Variants in SGCZ observed in about 807,000 individuals in gnomAD.
SGCZ encodes the protein zeta-sarcoglycan.
In SGCZ, 40 loss-of-function variants were observed where a neutral mutation model predicts 41.3. The ratio of observed to expected loss-of-function variants is 0.97; its 90% CI spans 0.75 to 1.26. The LOEUF (loss-of-function observed/expected upper bound fraction) is 1.26. Among genes scored for constraint, SGCZ ranks in the 50% most tolerant of loss-of-function variants. The pLI is 0.00. For missense variants in SGCZ, 552 were observed against 369.8 expected (o/e 1.49, Z -4.04); for synonymous variants, 206 against 137.5 (o/e 1.50, Z -3.49).
At chr8:14,141,701 C>T (rs1184515418) in intron 5 of SGCZ, among the ~76,000 whole-genome samples, 2 of 152,202 alleles carry the variant, frequency 1.3e-5, no homozygotes, top group Non-Finnish European at 2.9e-5. Flanking sequence ...AATAGGAACA[C>T]TTTTCCACTG....
At chr8:14,357,813 A>G (rs1220034377) in intron 2 of SGCZ, among the ~76,000 whole-genome samples, 1 of 152,164 alleles carries the variant, frequency 6.6e-6, no homozygotes, top group Non-Finnish European at 1.5e-5. Flanking sequence ...ATGCAGTATA[A>G]AGTAGAGAAA....
chr8:14,171,952 T>G (rs1804396055), intron 4 of SGCZ, among the ~76,000 whole-genome samples: 1 of 152,164 alleles, frequency 6.6e-6, no homozygotes, highest in African/African-American at 2.4e-5. Context: ...ATTATATAAC[T>G]GTTTCATTAC....
chr8:14,182,624 A>G (rs193293861), intron 4 of SGCZ, among the ~76,000 whole-genome samples: 1 of 152,344 alleles, frequency 6.6e-6, no homozygotes, highest in East Asian at 1.9e-4. Context: ...AAAAAATAAT[A>G]AAGACAAGAA....
At chr8:14,788,852 T>A (rs1371628420) in intron 1 of SGCZ, among the ~76,000 whole-genome samples, 1 of 152,078 alleles carries the variant, frequency 6.6e-6, no homozygotes, top group Non-Finnish European at 1.5e-5. Context: ...GGCTCACACC[T>A]GTAACCCCAG....
chr8:15,192,578 A>G (rs1474615839), intron 1 of SGCZ, among the ~76,000 whole-genome samples: 2 of 152,140 alleles, frequency 1.3e-5, no homozygotes, highest in Non-Finnish European at 2.9e-5. Flanking sequence ...ATTTGGAGGG[A>G]CAGCCACTAA....
intron 1 of SGCZ, among the ~76,000 whole-genome samples, chr8:14,953,785 A>T (rs998247923): frequency 6.6e-6 from 1 of 152,234 alleles, no homozygotes; most frequent in Admixed American, 6.5e-5. Flanking sequence ...TGTTTACAAT[A>T]GTACTTGATA....
At chr8:14,118,446 A>G (rs1267589078) in intron 5 of SGCZ, among the ~76,000 whole-genome samples, 1 of 152,042 alleles carries the variant, frequency 6.6e-6, no homozygotes, top group Non-Finnish European at 1.5e-5. Flanking sequence ...AGTTCTTTGT[A>G]GATTCTGGAT....
intron 1 of SGCZ, among the ~76,000 whole-genome samples, chr8:15,084,351 T>C (rs116553679): frequency 0.011 from 1,625 of 152,322 alleles, 35 homozygotes; most frequent in African/African-American, 0.037. Context: ...ACAGAGATTA[T>C]TGACTACATG....
At chr8:15,055,838 G>GA (rs1563472599) in intron 1 of SGCZ, among the ~76,000 whole-genome samples, 1 of 152,158 alleles carries the variant, frequency 6.6e-6, no homozygotes, top group Non-Finnish European at 1.5e-5. Flanking sequence ...TGATAACTTG[G>GA]ATGTGCCTCC....
At chr8:14,248,737 A>G (rs1799188726) in intron 3 of SGCZ, among the ~76,000 whole-genome samples, 1 of 91,194 alleles carries the variant, frequency 1.1e-5, no homozygotes, top group South Asian at 5.9e-4. Flanking sequence ...TTACATTTGT[A>G]CTAGTTGAAA....
intron 3 of SGCZ, among the ~76,000 whole-genome samples, chr8:14,308,611 G>A (rs1460242453): frequency 6.6e-6 from 1 of 151,694 alleles, no homozygotes; most frequent in Non-Finnish European, 1.5e-5. Flanking sequence ...ACAATGCCAC[G>A]TCTAAAAAAA....
intron 2 of SGCZ, among the ~76,000 whole-genome samples, chr8:14,360,833 GT>G (rs1803484733): frequency 6.6e-6 from 1 of 152,084 alleles, no homozygotes; most frequent in Non-Finnish European, 1.5e-5. Flanking sequence ...ACAACTGCAT[GT>G]TTAGTATTTT....
intron 4 of SGCZ, among the ~76,000 whole-genome samples, chr8:14,202,336 T>C (rs182576639): frequency 2.0e-5 from 3 of 152,262 alleles, no homozygotes; most frequent in African/African-American, 4.8e-5. Context: ...CCTGCTGACA[T>C]CTTGATTTTA....
Position 15,166,003 on chromosome 8 carries a change from G to A in SGCZ, c.39+71582C>T, listed in dbSNP as rs371533769. ...TCAACATTTCTGAGTTATCATTTTG[G>A]CAAAATAAATAATTTATGGAAATCT... On this transcript the variant is annotated intron_variant, in intron 1 of 7. Transcript: ENST00000382080. Among the ~76,000 whole-genome samples, 23 of 152,194 alleles carry A rather than the reference G, an allele frequency of 1.5e-4. No homozygotes were observed. The South Asian group carries it at 2.7e-3, about 18-fold the overall frequency.
intron 4 of SGCZ, among the ~76,000 whole-genome samples, chr8:14,190,106 G>C (rs548491095): frequency 7.1e-6 from 1 of 140,998 alleles, no homozygotes; most frequent in African/African-American, 2.7e-5. Context: ...TCCGCCTCTG[G>C]GGTTCACGCC....
intron 2 of SGCZ, among the ~76,000 whole-genome samples, chr8:14,415,225 T>C (rs1010263390): frequency 3.3e-5 from 5 of 151,888 alleles, no homozygotes; most frequent in Non-Finnish European, 7.4e-5. Context: ...TAAATATAAA[T>C]ACATGTTTTC....
chr8:14,828,074 A>C (rs923433351), intron 1 of SGCZ, among the ~76,000 whole-genome samples: 1 of 152,196 alleles, frequency 6.6e-6, no homozygotes, highest in Non-Finnish European at 1.5e-5. Context: ...GCTTGAAATG[A>C]ATCTCTATTA....
chr8:15,071,514 C>A (rs545988432), intron 1 of SGCZ, among the ~76,000 whole-genome samples: 1 of 152,254 alleles, frequency 6.6e-6, no homozygotes, highest in Admixed American at 6.5e-5. Flanking sequence ...CTTCACAGGG[C>A]TATGCCAATA....
At chr8:15,161,677 G>A (rs557066173) in intron 1 of SGCZ, among the ~76,000 whole-genome samples, 1 of 152,278 alleles carries the variant, frequency 6.6e-6, no homozygotes, top group Non-Finnish European at 1.5e-5. Flanking sequence ...TTTCAACTAA[G>A]GTTTTTCCAT....
Sources: gnomAD v4.1 joint callset for allele counts (sites outside exome capture counted in the v4.1 genomes callset) on GRCh38, gnomAD v4.1.1 for gene constraint, MANE v1.5 for transcripts, NCBI Gene and HGNC (gene_info 2026-07-23, HGNC 2026-07-21) for gene names.